ESR1: variants seen among roughly 807,000 people sequenced by gnomAD.
The protein encoded by ESR1 is estrogen receptor 1, also known as estrogen receptor.
ESR1 carries 12 observed loss-of-function variants against 52.7 expected under a neutral mutation model. The observed-to-expected ratio is 0.23, with a 90% CI of 0.15 to 0.37. ESR1 has a LOEUF of 0.37. Ranked by LOEUF, ESR1 falls within the 10% of genes least tolerant of loss-of-function variation. The pLI is 1.00. For missense variants in ESR1, 584 were observed against 779.7 expected (o/e 0.75, Z 2.99); for synonymous variants, 305 against 316.8 (o/e 0.96, Z 0.39).
At chr6:151,747,824 T>G (rs1783594933) in intron 2 of ESR1, among the ~76,000 whole-genome samples, 1 of 152,240 alleles carries the variant, frequency 6.6e-6, no homozygotes, top group African/African-American at 2.4e-5. Context: ...TTCATTCTTT[T>G]TATTGCCAAA....
chr6:151,892,672 T>C (rs535678027), intron 3 of ESR1, among the ~76,000 whole-genome samples: 1 of 152,130 alleles, frequency 6.6e-6, no homozygotes, highest in Admixed American at 6.5e-5. Flanking sequence ...CTTTCTAGTT[T>C]CTGCCTTGTG....
chr6:151,866,623 C>T (rs56215322), intron 2 of ESR1, among the ~76,000 whole-genome samples: 20,522 of 152,084 alleles, frequency 0.13, 1,739 homozygotes, highest in South Asian at 0.19. Flanking sequence ...TGATGGTTTC[C>T]AGCTTCATCC....
chr6:152,125,512 T>C, exon 7 of ESR1: 1 of 1,036,142 alleles, frequency 9.7e-7, no homozygotes, highest in East Asian at 2.7e-5. Context: ...TGCCTTAAAG[T>C]GTCTTAAGAA....
At chr6:151,743,744 A>AAAAC (rs1783273775) in intron 2 of ESR1, among the ~76,000 whole-genome samples, 1 of 152,230 alleles carries the variant, frequency 6.6e-6, no homozygotes, top group African/African-American at 2.4e-5. Context: ...GTCATTTATT[A>AAAAC]AAACAAACAA....
chr6:151,777,652 C>T (rs1246784377), intron 2 of ESR1, among the ~76,000 whole-genome samples: 1 of 151,988 alleles, frequency 6.6e-6, no homozygotes, highest in Non-Finnish European at 1.5e-5. Flanking sequence ...AAGTGGGTGA[C>T]CATGGGTGAT....
chr6:151,980,512 A>G (rs1402083271), intron 4 of ESR1, among the ~76,000 whole-genome samples: 1 of 152,198 alleles, frequency 6.6e-6, no homozygotes, highest in East Asian at 1.9e-4. Context: ...CAAAAATCAA[A>G]AACTTTCTTT....
At chr6:151,904,756 A>C (rs1363313781) in intron 3 of ESR1, among the ~76,000 whole-genome samples, 1 of 152,172 alleles carries the variant, frequency 6.6e-6, no homozygotes, top group East Asian at 1.9e-4. Flanking sequence ...CCATTTATTC[A>C]GTTAAGTCCT....
chr6:152,036,084 C>G (rs1190661335), intron 5 of ESR1, among the ~76,000 whole-genome samples: 2 of 149,942 alleles, frequency 1.3e-5, no homozygotes, highest in African/African-American at 5.0e-5. Flanking sequence ...AATTAAAAAA[C>G]CAGGGCCAGG....
intron 2 of ESR1, among the ~76,000 whole-genome samples, chr6:151,755,964 C>T (rs1784253521): frequency 6.6e-6 from 1 of 152,082 alleles, no homozygotes; most frequent in Non-Finnish European, 1.5e-5. Flanking sequence ...ATCTTCTCCA[C>T]TTCCATTCAG....
intron 5 of ESR1, among the ~76,000 whole-genome samples, chr6:152,015,888 C>G (rs1432245091): frequency 6.6e-6 from 1 of 152,120 alleles, no homozygotes; most frequent in African/African-American, 2.4e-5. Flanking sequence ...TTCCCATAAT[C>G]AAACCCCTTA....
upstream of ESR1, among the ~76,000 whole-genome samples, chr6:151,687,430 T>C (rs1290195739): frequency 6.6e-6 from 1 of 152,136 alleles, no homozygotes; most frequent in African/African-American, 2.4e-5. Context: ...AGAACTGAGA[T>C]AGTGTTTTGA....
upstream of ESR1, chr6:151,807,550 C>CCA: frequency 2.5e-6 from 1 of 400,316 alleles, no homozygotes; most frequent in South Asian, 2.6e-5. Flanking sequence ...CGCTCCAAAT[C>CCA]GAGTTGTGCC....
At chr6:151,776,099 A>ATTC (rs1403364257) in intron 2 of ESR1, among the ~76,000 whole-genome samples, 2 of 152,200 alleles carry the variant, frequency 1.3e-5, no homozygotes, top group Non-Finnish European at 2.9e-5. Context: ...CTTTGGAGGC[A>ATTC]GGAAGAGCAG....
chr6:151,689,712 A>G (rs1030686510), upstream of ESR1, among the ~76,000 whole-genome samples: 2 of 152,162 alleles, frequency 1.3e-5, no homozygotes, highest in Admixed American at 6.5e-5. Context: ...CCTCCGCCCC[A>G]TTCTACCATT....
intron 6 of ESR1, among the ~76,000 whole-genome samples, chr6:152,084,339 T>C (rs1167987234): frequency 2.6e-5 from 4 of 151,558 alleles, no homozygotes; most frequent in Admixed American, 2.6e-4. Flanking sequence ...AGTTGATGGG[T>C]GCAGCAAACC....
At chr6:151,747,331 T>C (rs148598165) in intron 2 of ESR1, among the ~76,000 whole-genome samples, 1 of 152,230 alleles carries the variant, frequency 6.6e-6, no homozygotes, top group East Asian at 1.9e-4. Flanking sequence ...AGCAGATGGG[T>C]TGTGGAAGGC....
At chr6:151,686,905 G>A (rs559030871), upstream of ESR1, among the ~76,000 whole-genome samples, 2 of 152,274 alleles carry the variant, frequency 1.3e-5, no homozygotes, top group East Asian at 3.9e-4. Flanking sequence ...TGCGGCTATA[G>A]CCAGACCCTG....
At chr6:151,931,488 CA>C in intron 3 of ESR1, among the ~76,000 whole-genome samples, 1 of 152,012 alleles carries the variant, frequency 6.6e-6, no homozygotes, top group Non-Finnish European at 1.5e-5. Flanking sequence ...TTTTAGGGTA[CA>C]TGTGCACATT....
At chr6:152,064,532 G>A in intron 6 of ESR1, among the ~76,000 whole-genome samples, 1 of 152,196 alleles carries the variant, frequency 6.6e-6, no homozygotes, top group East Asian at 1.9e-4. Flanking sequence ...TTAGTTGGTT[G>A]ATTTCATTCA....
Sources: allele counts gnomAD v4.1 joint callset (sites outside exome capture counted in the v4.1 genomes callset), GRCh38; gene constraint gnomAD v4.1.1; transcripts MANE v1.5; gene names NCBI Gene and HGNC (gene_info 2026-07-23, HGNC 2026-07-21).